Variants in KRT40 observed in about 807,000 individuals in gnomAD.
KRT40 encodes the protein keratin, type I cytoskeletal 40.
In KRT40, 47 loss-of-function variants were observed where a neutral mutation model predicts 43.5. That is an observed-to-expected ratio of 1.08 (90% CI 0.86 to 1.38). KRT40 has a LOEUF of 1.38. KRT40 is among the 40% of genes most tolerant of loss of function. The pLI, the probability that KRT40 is intolerant of heterozygous loss-of-function variation, is 0.00. For missense variants in KRT40, 573 were observed against 523.6 expected (o/e 1.09, Z -0.92); for synonymous variants, 212 against 214.0 (o/e 0.99, Z 0.08).
At chr17:40,981,346 T>G (rs777170658) in intron 3 of KRT40, 195 bp from the exon 4 acceptor site, 1 of 1,028,578 alleles carries the variant, frequency 9.7e-7, no homozygotes, top group South Asian at 1.4e-5. Flanking sequence ...ACATAATAAT[T>G]GGACATTTTT....
intron 3 of KRT40, 65 bp downstream of exon 3, chr17:40,982,242 A>G (rs1912202082): frequency 1.5e-5 from 20 of 1,362,234 alleles, no homozygotes; most frequent in Non-Finnish European, 1.8e-5. Context: ...AAACATCAAC[A>G]GATCATCTGT....
upstream of KRT40, among the ~76,000 whole-genome samples, chr17:40,985,754 T>G (rs1912441910): frequency 6.6e-6 from 1 of 152,212 alleles, no homozygotes; most frequent in Admixed American, 6.5e-5. Flanking sequence ...ATATTGACGC[T>G]GCTCTGCAAC....
upstream of KRT40, chr17:40,986,355 A>G (rs1036886681): frequency 2.0e-5 from 3 of 152,328 alleles, no homozygotes; most frequent in Non-Finnish European, 4.4e-5. Context: ...TCCTGCACCC[A>G]GCTATCACCA....
At chr17:40,983,773 A>G (rs754411002) in intron 1 of KRT40, 54 bp downstream of exon 1, 19 of 1,554,724 alleles carry the variant, frequency 1.2e-5, no homozygotes, top group Non-Finnish European at 1.6e-5. Context: ...TAGTAGAAAG[A>G]TAAAGCAAAC....
chr17:40,982,433 C>T lies in KRT40; in HGVS notation c.561G>A (p.Leu187=). The T allele has an allele frequency of 6.2e-7, 1 of 1,606,516 alleles. No homozygotes were observed. Among genetic ancestry groups the T allele is most frequent in the Non-Finnish European group, 8.5e-7 (1 of 1,176,606 alleles). ...GCAGGCTGCTGATGTCAGCCTCTAA[C>T]AGCTGGCGAAGGGACAGTTCACTCT... The part of the protein sequence containing the change: ...KYESELSLRQ[L]LEADISSLHG... The change falls in exon 3 of 7, where the codon CTG becomes CTA. Residue 187 remains leucine, a synonymous_variant. Transcript: ENST00000377755.
upstream of KRT40, among the ~76,000 whole-genome samples, chr17:40,986,713 A>C (rs1192715741): frequency 1.3e-5 from 2 of 148,638 alleles, no homozygotes; most frequent in African/African-American, 5.1e-5. Context: ...AAAGAAATAG[A>C]CATCATGAAA....
chr17:40,984,300 G>C lies in KRT40; in HGVS notation c.-27C>G. ...CTTCCAGAAGCAAAGACAGAGACTGGCTGCAAAACTTCAGTTGCCTTGACT... is the reference window on the plus strand; with the variant it reads ...CTTCCAGAAGCAAAGACAGAGACTGCCTGCAAAACTTCAGTTGCCTTGACT... On this transcript the variant is annotated 5_prime_UTR_variant, in exon 1 of 7. Coordinates refer to ENST00000377755, the MANE Select transcript of KRT40 (RefSeq NM_001389244.1). 6.4e-7 allele frequency: 1 copy of C among 1,553,728 alleles called. No individual in the cohort carries two copies. The highest frequency in any genetic ancestry group is 2.3e-5 in the East Asian group (1 of 43,270).
chr17:40,979,085 A>G, intron 5 of KRT40, 61 bp from the exon 6 acceptor site: 2 of 1,313,716 alleles, frequency 1.5e-6, no homozygotes, highest in Non-Finnish European at 2.1e-6. Flanking sequence ...CAGAGTGCCT[A>G]CTTTCAAATT....
rs371375504 is a variant in KRT40, at chr17:40,983,952, G to C, written c.322C>G (p.Arg108Gly). 1.2e-6 allele frequency: 2 copies of C among 1,614,036 alleles called. No homozygotes were observed. The highest frequency in any genetic ancestry group is 1.7e-6 in the Non-Finnish European group (2 of 1,180,006). Reference sequence around the variant, plus strand: ...TCTGCGTTGGTCTCCTCCAGGCTGCGCACCTTCTCCAGATAGCTGGCGAGT... The same window carrying C: ...TCTGCGTTGGTCTCCTCCAGGCTGCCCACCTTCTCCAGATAGCTGGCGAGT... The part of the protein sequence containing the change: ...DRLASYLEKV[R>G]SLEETNAELE... Residue 108 changes from arginine (R) to glycine (G), a missense_variant, in exon 1 of 7, where the codon CGC becomes GGC. Transcript: ENST00000377755.
rs2271278 is a variant in KRT40 at position 40,978,309 on chromosome 17, C to A, written c.1197-13G>T. On this transcript the variant is annotated splice_polypyrimidine_tract_variant and intron_variant, in intron 6 of 6. Transcript: ENST00000377755. ...GCTACAGGAAAGCCTGGGGAAAAAT[C>A]GATTTTCAACCAAGATTAACAAGGG... 77 of 1,603,152 alleles carry A rather than the reference C, an allele frequency of 4.8e-5. 1 individual carries two copies. In the East Asian group the frequency reaches 1.5e-3, roughly 31 times the overall value.
chr17:40,984,222 C>T lies in KRT40; in HGVS notation c.52G>A (p.Ala18Thr). The stretch of plus-strand genomic sequence containing the variant: ...CTTGAGGCAGGTGCACAACCGGAAG[C>T]CGTGCCACAGGACTCAGGAGAGCAG... ...THCSPESCGT[A>T]SGCAPASSCS... Residue 18 changes from alanine to threonine, a missense_variant, in exon 1 of 7, where the codon GCT (alanine) becomes ACT (threonine). By Grantham distance (58) the Ala-to-Thr change is moderately conservative. Coordinates refer to ENST00000377755, the MANE Select transcript of KRT40 (RefSeq NM_001389244.1). 2 of 1,613,888 alleles carry T rather than the reference C, an allele frequency of 1.2e-6. No individual in the cohort carries two copies. Among genetic ancestry groups the T allele is most frequent in the Non-Finnish European group, 1.7e-6 (2 of 1,179,960 alleles).
rs141909768 is a variant in KRT40, at chr17:40,982,274, G to A, written c.687+33C>T. 1,333 of 1,495,502 alleles carry A rather than the reference G, an allele frequency of 8.9e-4. 14 individuals carry two copies. The African/African-American group carries it at 0.017, about 19-fold the overall frequency. 92.6% of individuals were successfully genotyped at this position (1,495,502 alleles called of 1,614,324 possible). A position where few individuals can be genotyped will look rare whatever the true frequency, so the allele number is the denominator to read the frequency against. ...CTGTCAATGTAAGTACGTTACTCTC[G>A]GAGTCCTTCAGCGGAGTTGCCACTT... On this transcript the variant is annotated intron_variant, in intron 3 of 6. Coordinates refer to ENST00000377755, the MANE Select transcript of KRT40 (RefSeq NM_001389244.1).
chr17:40,980,938 C>CA, intron 4 of KRT40, 28 bp from the exon 5 acceptor site: 2 of 1,613,928 alleles, frequency 1.2e-6, no homozygotes, highest in Non-Finnish European at 1.7e-6. Context: ...TTAGAGAATT[C>CA]AAAAAAGGCA....
At chr17:40,980,723 G>A in intron 5 of KRT40, 62 bp downstream of exon 5, 1 of 1,518,012 alleles carries the variant, frequency 6.6e-7, no homozygotes, top group Non-Finnish European at 8.8e-7. Flanking sequence ...ATGGAAGAGG[G>A]CTTAACATCT....
At chr17:40,983,183 C>G (rs111938052) in intron 1 of KRT40, 55 bp from the exon 2 acceptor site, 108,004 of 767,214 alleles carry the variant, frequency 0.14, 8,022 homozygotes, top group African/African-American at 0.19. Flanking sequence ...CCTAAGTAAA[C>G]TTCTATCCAA....
At position 40,980,920 on chromosome 17, in the gene KRT40, A is replaced by T. The variant is rs1912108138; in HGVS notation, c.850-10T>A. 1 of 1,614,030 alleles carries T rather than the reference A, an allele frequency of 6.2e-7. No homozygotes were observed. The highest frequency in any genetic ancestry group is 2.2e-5 in the East Asian group (1 of 44,900). ...GATTCAGCTCTTCTGTCTGAAACAC[A>T]GACACCATTAGAGAATTCAAAAAAG... On this transcript the variant is annotated splice_polypyrimidine_tract_variant and intron_variant, in intron 4 of 6. Coordinates refer to ENST00000377755, the MANE Select transcript of KRT40 (RefSeq NM_001389244.1).
At chr17:40,986,622 A>G (rs929478889), upstream of KRT40, among the ~76,000 whole-genome samples, 1 of 152,078 alleles carries the variant, frequency 6.6e-6, no homozygotes, top group Non-Finnish European at 1.5e-5. Flanking sequence ...CCATGCCACC[A>G]GCCCCAGATA....
In KRT40 at chr17:40,978,319, C is replaced by T. The variant is rs772873786; in HGVS notation, c.1197-23G>A. On this transcript the variant is annotated intron_variant, in intron 6 of 6. Coordinates refer to ENST00000377755, the MANE Select transcript of KRT40 (RefSeq NM_001389244.1). ...AGCCTGGGGAAAAATCGATTTTCAA[C>T]CAAGATTAACAAGGGAATGTTGATA... is the stretch of plus-strand genomic sequence containing the variant. 31 of 1,571,384 alleles carry T rather than the reference C, an allele frequency of 2.0e-5. No individual in the cohort carries two copies. In the Admixed American group the frequency reaches 4.8e-4, roughly 25 times the overall value.
rs1448514846 is a variant in KRT40, at chr17:40,984,302, T to C, written c.-29A>G. On this transcript the variant is annotated 5_prime_UTR_variant, in exon 1 of 7. Transcript: ENST00000377755. ...TCCAGAAGCAAAGACAGAGACTGGC[T>C]GCAAAACTTCAGTTGCCTTGACTCC... 1 of 1,551,592 alleles carries C rather than the reference T, an allele frequency of 6.4e-7. No individual in the cohort carries two copies. The highest frequency in any genetic ancestry group is 8.8e-7 in the Non-Finnish European group (1 of 1,138,106).
Sources: allele counts gnomAD v4.1 joint callset (sites outside exome capture counted in the v4.1 genomes callset), GRCh38; gene constraint gnomAD v4.1.1; transcripts MANE v1.5; gene names NCBI Gene and HGNC (gene_info 2026-07-23, HGNC 2026-07-21).